UTS2: variants seen among roughly 807,000 people sequenced by gnomAD.
UTS2 encodes the protein urotensin-2.
UTS2 carries 10 observed loss-of-function variants against 12.6 expected under a neutral mutation model. The ratio of observed to expected loss-of-function variants is 0.80; its 90% CI spans 0.49 to 1.35. The LOEUF is 1.35. Among genes scored for constraint, UTS2 ranks in the 40% most tolerant of loss-of-function variants. The pLI is 0.00. For synonymous variants in UTS2, 52 were observed against 50.0 expected, an observed-to-expected ratio of 1.04 and a Z score of -0.17; for missense variants, 142 against 143.2, an observed-to-expected ratio of 0.99 and a Z score of 0.04.
At chr1:7,893,834 C>T in the UTS2 span, among the ~76,000 whole-genome samples, 11 of 152,184 alleles carry the variant, frequency 7.2e-5, no homozygotes, top group African/African-American at 2.2e-4. Flanking sequence ...AAAATATGAC[C>T]GTCCTTCTCT....
At chr1:7,894,887 C>T in the UTS2 span, among the ~76,000 whole-genome samples, 6 of 152,080 alleles carry the variant, frequency 3.9e-5, no homozygotes, top group African/African-American at 1.2e-4. Context: ...GCTCTGATCA[C>T]ACCACCGCAT....
chr1:7,906,178 T>C, the UTS2 span, among the ~76,000 whole-genome samples: 18 of 152,240 alleles, frequency 1.2e-4, no homozygotes, highest in South Asian at 2.1e-4. Context: ...CCTGTTTTCA[T>C]AAAATTTGTG....
the UTS2 span, among the ~76,000 whole-genome samples, chr1:7,893,131 C>T: frequency 6.6e-6 from 1 of 152,132 alleles, no homozygotes; most frequent in African/African-American, 2.4e-5. Context: ...CTATACTATG[C>T]TTATTTACTT....
At chr1:7,848,389 A>G (rs1374797799) in intron 3 of UTS2, among the ~76,000 whole-genome samples, 1 of 152,130 alleles carries the variant, frequency 6.6e-6, no homozygotes, top group African/African-American at 2.4e-5. Flanking sequence ...CAGTGAGCCA[A>G]GATCACACCA....
chr1:7,881,334 G>A, the UTS2 span, among the ~76,000 whole-genome samples: 2 of 152,156 alleles, frequency 1.3e-5, no homozygotes, highest in Admixed American at 1.3e-4. Context: ...CAAATTGAAA[G>A]AGAGGAAGTG....
chr1:7,875,033 T>A, the UTS2 span, among the ~76,000 whole-genome samples: 6 of 151,112 alleles, frequency 4.0e-5, no homozygotes, highest in African/African-American at 1.5e-4. Flanking sequence ...TTGCCCAGTC[T>A]CGGGTATTTC....
upstream of UTS2, among the ~76,000 whole-genome samples, chr1:7,857,086 G>T (rs1438304906): frequency 7.7e-6 from 1 of 130,178 alleles, no homozygotes; most frequent in African/African-American, 3.0e-5. Flanking sequence ...AGAGAGGGAA[G>T]GAAGGAAGGA....
chr1:7,908,517 G>A, the UTS2 span, among the ~76,000 whole-genome samples: 2 of 147,788 alleles, frequency 1.4e-5, no homozygotes, highest in Admixed American at 1.4e-4. Context: ...ACCCCTAGAA[G>A]CCAGTAGAAC....
chr1:7,904,925 A>AG, the UTS2 span, among the ~76,000 whole-genome samples: 1 of 148,096 alleles, frequency 6.8e-6, no homozygotes, highest in Non-Finnish European at 1.5e-5. Flanking sequence ...AAAAAAAAAA[A>AG]GCCCACATAG....
chr1:7,850,767 G>A (rs749652622), intron 2 of UTS2, 45 bp downstream of exon 2: 7 of 1,581,204 alleles, frequency 4.4e-6, no homozygotes, highest in South Asian at 1.1e-5. Flanking sequence ...GGTAAGTTCA[G>A]TAGCAATTAA....
chr1:7,861,658 C>T, the UTS2 span, among the ~76,000 whole-genome samples: 1 of 152,306 alleles, frequency 6.6e-6, no homozygotes, highest in African/African-American at 2.4e-5. Flanking sequence ...AGAGCCGAGC[C>T]TGGCCCCAGG....
At chr1:7,889,260 CAAA>C in the UTS2 span, among the ~76,000 whole-genome samples, 3 of 72,584 alleles carry the variant, frequency 4.1e-5, no homozygotes, top group East Asian at 3.3e-4. Context: ...CTCATTTCTA[CAAA>C]AAAAAAAAAA....
chr1:7,867,112 C>G, the UTS2 span, among the ~76,000 whole-genome samples: 3 of 152,062 alleles, frequency 2.0e-5, no homozygotes, highest in South Asian at 2.1e-4. Flanking sequence ...TCAGGTGATC[C>G]GCCCGCCTCG....
the UTS2 span, among the ~76,000 whole-genome samples, chr1:7,884,631 A>G: frequency 1.3e-5 from 2 of 152,190 alleles, no homozygotes; most frequent in Non-Finnish European, 2.9e-5. Flanking sequence ...TTTCTAGTGG[A>G]ATATTTCAAT....
intron 3 of UTS2, 79 bp downstream of exon 3, chr1:7,849,561 G>T: frequency 7.7e-7 from 1 of 1,303,818 alleles, no homozygotes; most frequent in Non-Finnish European, 1.1e-6. Flanking sequence ...CACTCCTCTA[G>T]TTCATGAATT....
At chr1:7,872,299 CA>C in the UTS2 span, among the ~76,000 whole-genome samples, 40 of 65,884 alleles carry the variant, frequency 6.1e-4, no homozygotes, top group Middle Eastern at 0.014. Flanking sequence ...GACTCTGTCT[CA>C]AAAAAAAAAA....
the UTS2 span, among the ~76,000 whole-genome samples, chr1:7,890,974 C>T: frequency 2.0e-5 from 3 of 151,370 alleles, no homozygotes; most frequent in South Asian, 2.1e-4. Context: ...TCCACCCCCC[C>T]CCACAAAACT....
At chr1:7,886,069 T>C in the UTS2 span, among the ~76,000 whole-genome samples, 1 of 152,134 alleles carries the variant, frequency 6.6e-6, no homozygotes, top group Non-Finnish European at 1.5e-5. Flanking sequence ...GTATCCCAGG[T>C]ACCCAGGTGT....
the UTS2 span, among the ~76,000 whole-genome samples, chr1:7,907,847 G>T: frequency 6.6e-6 from 1 of 152,090 alleles, no homozygotes. Flanking sequence ...AACTTCACAG[G>T]TAGTTGTTTA....
Sources: gnomAD v4.1 joint callset for allele counts (sites outside exome capture counted in the v4.1 genomes callset) on GRCh38, gnomAD v4.1.1 for gene constraint, MANE v1.5 for transcripts, NCBI Gene and HGNC (gene_info 2026-07-23, HGNC 2026-07-21) for gene names.